The following CCDC18 variants were observed in gnomAD, a reference collection of about 807,000 sequenced individuals.
CCDC18 encodes coiled-coil domain-containing protein 18.
CCDC18 carries 157 observed loss-of-function variants against 196.0 expected under a neutral mutation model. That is an observed-to-expected ratio of 0.80 (90% CI 0.70 to 0.91). The LOEUF is 0.91. Ranked by LOEUF, CCDC18 falls within the 40% of genes least tolerant of loss-of-function variation. The probability of loss-of-function intolerance (pLI) is 0.00; values close to 1 mark genes in which losing one functional copy is unlikely to be tolerated. For missense variants in CCDC18, 1,465 were observed against 1,611.6 expected, an observed-to-expected ratio of 0.91 and a Z score of 1.56; for synonymous variants, 482 against 529.2, an observed-to-expected ratio of 0.91 and a Z score of 1.22.
chr1:93,212,341 AT>A lies in CCDC18; in HGVS notation c.1495+90del, dbSNP rs199982501. 1,839 of 914,148 alleles carry A rather than the reference AT, an allele frequency of 2.0e-3. 1 individual carries two copies. The highest frequency in any genetic ancestry group is 3.4e-3 in the Middle Eastern group (9 of 2,620). The allele number at this position is 914,148 out of a possible 1,614,324, so 56.6% of individuals were successfully genotyped here. On this transcript the variant is annotated intron_variant, in intron 11 of 28. Transcript: ENST00000690025. ...TTTTTTTAAAAAAACTTTTATTTAA[AT>A]TTTTTTTTTAATTTAAGTTCAGGGA...
chr1:93,234,976 TTTTC>T (rs990477075), intron 18 of CCDC18, among the ~76,000 whole-genome samples: 3 of 138,178 alleles, frequency 2.2e-5, no homozygotes, highest in African/African-American at 7.8e-5. Context: ...TGTGTGTGGC[TTTTC>T]TTTTTTTTTC....
chr1:93,236,543 ATC>A (rs1011782561), intron 19 of CCDC18, among the ~76,000 whole-genome samples, 153 bp downstream of exon 19: 31 of 152,232 alleles, frequency 2.0e-4, no homozygotes, highest in African/African-American at 7.5e-4. Flanking sequence ...TTTCCTTCAT[ATC>A]TCTCATTATG....
At chr1:93,206,915 TAAG>T (rs1468008345) in intron 8 of CCDC18, among the ~76,000 whole-genome samples, 189 bp from the exon 9 acceptor site, 6 of 152,074 alleles carry the variant, frequency 3.9e-5, no homozygotes, top group Admixed American at 2.6e-4. Flanking sequence ...CATCTGTAAA[TAAG>T]AAGTAATAAT....
chr1:93,221,974 T>A, intron 16 of CCDC18, 38 bp downstream of exon 16: 1 of 1,266,808 alleles, frequency 7.9e-7, no homozygotes, highest in Non-Finnish European at 1.1e-6. Flanking sequence ...TTCTTTCCTT[T>A]TTTTTTTTTT....
At chr1:93,204,090 T>C (rs1654308590) in intron 7 of CCDC18, among the ~76,000 whole-genome samples, 1 of 151,992 alleles carries the variant, frequency 6.6e-6, no homozygotes, top group South Asian at 2.1e-4. Context: ...GAAGCTAAGT[T>C]AAGGTGAAGA....
rs749076168 is a variant in CCDC18, at chr1:93,192,060, A to G, written c.523A>G (p.Ile175Val). Residue 175 changes from isoleucine (I) to valine (V), a missense_variant, in exon 5 of 29, where the codon ATT becomes GTT. Transcript: ENST00000690025. Reference sequence around the variant, plus strand: ...CAGTGTCCCAATCTTAGAAGAACAGATTATAAATTTGGAAGCAGAGGTTTC... The same window carrying G: ...CAGTGTCCCAATCTTAGAAGAACAGGTTATAAATTTGGAAGCAGAGGTTTC... The part of the protein sequence containing the change: ...AASVPILEEQ[I>V]INLEAEVSAQ... 1.1e-5 allele frequency: 18 copies of G among 1,613,834 alleles called. No homozygotes were observed. In the African/African-American group the frequency reaches 2.1e-4, roughly 19 times the overall value.
intron 11 of CCDC18, among the ~76,000 whole-genome samples, chr1:93,212,891 C>T (rs373770124): frequency 7.9e-5 from 12 of 152,088 alleles, no homozygotes; most frequent in East Asian, 5.8e-4. Flanking sequence ...TACAACTCAT[C>T]GTAATGTAGA....
intron 27 of CCDC18, among the ~76,000 whole-genome samples, chr1:93,265,740 C>T (rs953439516): frequency 6.6e-6 from 1 of 152,182 alleles, no homozygotes; most frequent in African/African-American, 2.4e-5. Flanking sequence ...ACAAGAAGAG[C>T]TAACTGTCCT....
chr1:93,193,502 T>C, intron 5 of CCDC18, 114 bp from the exon 6 acceptor site: 1 of 612,164 alleles, frequency 1.6e-6, no homozygotes, highest in Non-Finnish European at 2.5e-6. Context: ...TTTTTGTATA[T>C]TGTTTCTCTT....
intron 18 of CCDC18, among the ~76,000 whole-genome samples, chr1:93,234,936 A>AGTGG (rs1553178274): frequency 4.2e-5 from 5 of 119,348 alleles, no homozygotes. Flanking sequence ...CCCAGCTAAG[A>AGTGG]GTGTGTGTGT....
At chr1:93,227,971 A>AATATATATATAT (rs1553175509) in intron 17 of CCDC18, among the ~76,000 whole-genome samples, 11 of 125,354 alleles carry the variant, frequency 8.8e-5, no homozygotes, top group Admixed American at 1.7e-4. Context: ...AAAAAAAAAA[A>AATATATATATAT]ATATATATAT....
At chr1:93,205,420 C>A in intron 7 of CCDC18, 90 bp from the exon 8 acceptor site, 1 of 1,131,694 alleles carries the variant, frequency 8.8e-7, no homozygotes, top group Non-Finnish European at 1.2e-6. Flanking sequence ...TACTCTCCTG[C>A]TTATTTCTGA....
upstream of CCDC18, chr1:93,180,568 G>A (rs1234409390): frequency 4.2e-6 from 6 of 1,435,978 alleles, no homozygotes; most frequent in Middle Eastern, 3.8e-4. Flanking sequence ...GGCGGTAATT[G>A]TGGGAAATGT....
chr1:93,186,565 G>A (rs1650710958), intron 4 of CCDC18, 62 bp downstream of exon 4: 1 of 1,379,598 alleles, frequency 7.2e-7, no homozygotes, highest in Admixed American at 2.2e-5. Context: ...TTTATAATTG[G>A]AAAAATATTC....
chr1:93,233,991 C>T (rs910398562), intron 18 of CCDC18, among the ~76,000 whole-genome samples: 1 of 152,110 alleles, frequency 6.6e-6, no homozygotes, highest in Admixed American at 6.5e-5. Context: ...ACAGCTTCAT[C>T]CTGAAGCATT....
At chr1:93,218,003 A>G (rs966020979) in intron 14 of CCDC18, 134 bp downstream of exon 14, 1 of 661,070 alleles carries the variant, frequency 1.5e-6, no homozygotes, top group South Asian at 2.2e-5. Flanking sequence ...TAGAATCCCA[A>G]TCTTTCTGAA....
In CCDC18 at chr1:93,236,294, CT is replaced by C; in HGVS notation, c.2508del (p.Glu837LysfsTer3). On this transcript the variant is annotated frameshift_variant, in exon 19 of 29. Transcript: ENST00000690025. LOFTEE classifies it high-confidence loss of function. ...QELQKQRESSAEKLRKMEEKC... is the reference protein window; with the variant it reads ...QELQKQRESSXEKLRKMEEKC... ...CTTCAAAAACAAAGGGAAAGTTCAG[CT>C]GAAAAGTTGAGAAAAATGGAGGAGA... The C allele has an allele frequency of 3.2e-6, 5 of 1,577,464 alleles. No individual in the cohort carries two copies. Among genetic ancestry groups the C allele is most frequent in the Non-Finnish European group, 4.3e-6 (5 of 1,168,578 alleles).
chr1:93,239,606 T>G (rs1660498851), intron 20 of CCDC18, 77 bp from the exon 21 acceptor site: 7 of 1,320,900 alleles, frequency 5.3e-6, no homozygotes, highest in Non-Finnish European at 7.4e-6. Flanking sequence ...TGAATATAAT[T>G]GAATATTCTT....
chr1:93,273,105 G>A (rs1665429642), intron 28 of CCDC18, among the ~76,000 whole-genome samples: 1 of 151,740 alleles, frequency 6.6e-6, no homozygotes, highest in African/African-American at 2.4e-5. Flanking sequence ...GTCTGGCTGT[G>A]TTGCCCAGGC....
Sources: gnomAD v4.1 joint callset for allele counts (sites outside exome capture counted in the v4.1 genomes callset) on GRCh38, gnomAD v4.1.1 for gene constraint, MANE v1.5 for transcripts, NCBI Gene and HGNC (gene_info 2026-07-23, HGNC 2026-07-21) for gene names.